SIGLEC6: variants seen among roughly 807,000 people sequenced by gnomAD.
SIGLEC6 encodes the protein sialic acid-binding Ig-like lectin 6.
Under a neutral mutation model 41.4 loss-of-function variants are expected in SIGLEC6, and 31 were observed. The ratio of observed to expected loss-of-function variants is 0.75; its 90% CI spans 0.56 to 1.01. The LOEUF (loss-of-function observed/expected upper bound fraction) is 1.01, where lower values mean the gene tolerates loss of function less well. SIGLEC6 is among the 50% of genes least tolerant of loss of function. SIGLEC6 has a pLI of 0.00. For synonymous variants in SIGLEC6, 217 were observed against 231.0 expected, an observed-to-expected ratio of 0.94 and a Z score of 0.55; for missense variants, 555 against 558.6, an observed-to-expected ratio of 0.99 and a Z score of 0.06.
intron 7 of SIGLEC6, among the ~76,000 whole-genome samples, chr19:51,524,231 A>G (rs1978813638): frequency 1.3e-5 from 2 of 152,256 alleles, no homozygotes; most frequent in Admixed American, 1.3e-4. Context: ...TAAATGTGAT[A>G]TCTGTAAGAC....
At chr19:51,530,549 C>G (rs1980097432) in intron 3 of SIGLEC6, 65 bp from the exon 4 acceptor site, 1 of 1,607,414 alleles carries the variant, frequency 6.2e-7, no homozygotes, top group South Asian at 1.1e-5. Context: ...GGGGCCTTCC[C>G]CTCAGGAGCC....
At position 51,528,195 on chromosome 19, in the gene SIGLEC6, T is replaced by C; in HGVS notation, c.1071A>G (p.Thr357=). 6.2e-7 allele frequency: 1 copy of C among 1,614,164 alleles called. No individual in the cohort carries two copies. The highest frequency in any genetic ancestry group is 8.5e-7 in the Non-Finnish European group (1 of 1,180,020). Residue 357 remains threonine (T), a synonymous_variant, in exon 6 of 8, where the codon ACA becomes ACG. Coordinates refer to ENST00000425629, the MANE Select transcript of SIGLEC6 (RefSeq NM_001245.7). Reference sequence around the variant, plus strand: ...AGCAAACACAGAGGAAAACCAGGGTTGTGATGCTAGCTCCCCAGACTGCTC... The same window carrying C: ...AGCAAACACAGAGGAAAACCAGGGTCGTGATGCTAGCTCCCCAGACTGCTC... ...VLGAVWGASI[T]TLVFLCVCFI...
intron 6 of SIGLEC6, 90 bp downstream of exon 6, chr19:51,528,069 AT>A (rs1568551659): frequency 3.3e-6 from 4 of 1,213,076 alleles, no homozygotes; most frequent in Admixed American, 1.8e-5. Flanking sequence ...CAATCACCCC[AT>A]TTTCCTCCAC....
chr19:51,519,296 GAAAAAAAAAAAAA>G lies in SIGLEC6; in HGVS notation c.*773_*785del, dbSNP rs10651662. On this transcript the variant is annotated 3_prime_UTR_variant, in exon 8 of 8. Coordinates refer to ENST00000425629, the MANE Select transcript of SIGLEC6 (RefSeq NM_001245.7). Reference sequence around the variant, plus strand: ...GGAGATACAGCAAGACTCCATCTCAGAAAAAAAAAAAAAAAAAAAAAGCTAGCCAAAGCCAGAT... The same window carrying G: ...GGAGATACAGCAAGACTCCATCTCAGAAAAAAAAGCTAGCCAAAGCCAGAT... 2.2e-5 allele frequency among the ~76,000 whole-genome samples: 2 copies of G among 90,752 alleles called. No individual in the cohort carries two copies. The highest frequency in any genetic ancestry group is 8.8e-5 in the African/African-American group (2 of 22,648). The allele number at this position is 90,752 out of a possible 152,430, so 59.5% of individuals were successfully genotyped here.
intron 6 of SIGLEC6, 44 bp from the exon 7 acceptor site, chr19:51,527,872 C>A: frequency 4.4e-6 from 7 of 1,583,746 alleles, no homozygotes; most frequent in Non-Finnish European, 6.1e-6. Flanking sequence ...TATTTGGAGC[C>A]TCTTTCCCCA....
chr19:51,526,895 A>G (rs908826530), intron 7 of SIGLEC6, among the ~76,000 whole-genome samples: 1 of 152,232 alleles, frequency 6.6e-6, no homozygotes, highest in African/African-American at 2.4e-5. Flanking sequence ...TAAAAATTTC[A>G]TAACACAATC....
At position 51,520,249 on chromosome 19, in the gene SIGLEC6, G is replaced by T; in HGVS notation, c.1195C>A (p.Gln399Lys). 6.3e-7 allele frequency: 1 copy of T among 1,581,914 alleles called. No homozygotes were observed. Among genetic ancestry groups the T allele is most frequent in the Non-Finnish European group, 8.6e-7 (1 of 1,156,710 alleles). The change falls in exon 8 of 8, where the codon CAG becomes AAG. Residue 399 changes from glutamine to lysine, a missense_variant. Transcript: ENST00000425629. Reference sequence around the variant, plus strand: ...ACTATGCCTGTCTGGAACTGGTGCTGATGACCCTTAATGGAAGAAAAGAAA... The same window carrying T: ...ACTATGCCTGTCTGGAACTGGTGCTTATGACCCTTAATGGAAGAAAAGAAA... ...PVMVSGSRGHQHQFQTGIVSD... is the reference protein window; with the variant it reads ...PVMVSGSRGHKHQFQTGIVSD...
At position 51,531,235 on chromosome 19, in the gene SIGLEC6, C is replaced by G. The variant is rs775895100; in HGVS notation, c.352G>C (p.Ala118Pro). 4 of 1,613,642 alleles carry G rather than the reference C, an allele frequency of 2.5e-6. No homozygotes were observed. Among genetic ancestry groups the G allele is most frequent in the Non-Finnish European group, 3.4e-6 (4 of 1,179,794 alleles). The change falls in exon 2 of 8, where the codon GCA becomes CCA. Residue 118 changes from alanine (A) to proline (P), a missense_variant. Coordinates refer to ENST00000425629, the MANE Select transcript of SIGLEC6 (RefSeq NM_001245.7). ...IRDARRRDNAAYFFRLKSKWM... is the reference protein window; with the variant it reads ...IRDARRRDNAPYFFRLKSKWM... ...TTGGACTTCAACCGAAAGAAGTATG[C>G]AGCATTGTCCCTCCTCCGGGCATCT...
rs779549871 is a variant in SIGLEC6, at chr19:51,530,467, C to G, written c.724G>C (p.Ala242Pro). ...CTGTTTCCTTGGAAGATGCTGATGG[C>G]CACTTTCTGTGGAGCATCTGGGGTG... ...LNVSYAPQKVAISIFQGNSAA... is the reference protein window; with the variant it reads ...LNVSYAPQKVPISIFQGNSAA... Residue 242 changes from alanine to proline, a missense_variant, in exon 4 of 8, where the codon GCC becomes CCC. Ala to Pro is a conservative substitution (Grantham distance 27). Transcript: ENST00000425629. The G allele has an allele frequency of 2.5e-6, 4 of 1,614,006 alleles. No homozygotes were observed. In the African/African-American group the frequency reaches 5.3e-5, roughly 22 times the overall value.
rs933258060 is a variant in SIGLEC6, at chr19:51,518,442, C to T, written c.*1640G>A. 6.6e-6 allele frequency among the ~76,000 whole-genome samples: 1 copy of T among 152,174 alleles called. No homozygotes were observed. Among genetic ancestry groups the T allele is most frequent in the African/African-American group, 2.4e-5 (1 of 41,436 alleles). On this transcript the variant is annotated 3_prime_UTR_variant, in exon 8 of 8. Transcript: ENST00000425629. ...TCAACCTCCACCTCCCAGGTTCAAG[C>T]AATTCTCCTGCTTCAACCTGCAGAA... is the stretch of plus-strand genomic sequence containing the variant.
chr19:51,525,227 T>A (rs547669288), intron 7 of SIGLEC6, among the ~76,000 whole-genome samples: 1 of 152,128 alleles, frequency 6.6e-6, no homozygotes, highest in South Asian at 2.1e-4. Context: ...GACCCCAGCA[T>A]AGCCACCTCA....
At chr19:51,529,000 T>TTAAAAAA (rs1979714337) in intron 5 of SIGLEC6, among the ~76,000 whole-genome samples, 1 of 16,814 alleles carries the variant, frequency 5.9e-5, no homozygotes, top group Admixed American at 8.3e-4. Flanking sequence ...AGACCCTCTC[T>TTAAAAAA]CAAAAAAAAA....
At position 51,531,411 on chromosome 19, in the gene SIGLEC6, G is replaced by T. The variant is rs1980363497; in HGVS notation, c.176C>A (p.Ala59Asp). ...CCAGTAGCCATAACCATAGTACGAG[G>T]CTGGAAGGGTAGTGGGCAATCTGCA... ...VPCRLPTTLPASYYGYGYWFL... is the reference protein window; with the variant it reads ...VPCRLPTTLPDSYYGYGYWFL... The change falls in exon 2 of 8, where the codon GCC becomes GAC. Residue 59 changes from alanine (A) to aspartate (D), a missense_variant. Physicochemically the swap from Ala to Asp is moderately radical, Grantham distance 126. Coordinates refer to ENST00000425629, the MANE Select transcript of SIGLEC6 (RefSeq NM_001245.7). 1.2e-6 allele frequency: 2 copies of T among 1,614,024 alleles called. No individual in the cohort carries two copies. Among genetic ancestry groups the T allele is most frequent in the African/African-American group, 2.7e-5 (2 of 74,912 alleles).
intron 4 of SIGLEC6, 80 bp downstream of exon 4, chr19:51,530,357 T>C: frequency 1.5e-6 from 2 of 1,317,672 alleles, no homozygotes; most frequent in Non-Finnish European, 2.2e-6. Context: ...GCCTTAGTCC[T>C]GGCTTCTCAT....
intron 2 of SIGLEC6, 100 bp downstream of exon 2, chr19:51,531,060 C>T (rs2122486720): frequency 6.4e-7 from 1 of 1,565,712 alleles, no homozygotes; most frequent in East Asian, 2.2e-5. Context: ...GCCCAACATG[C>T]TTAATTGTAC....
intron 7 of SIGLEC6, among the ~76,000 whole-genome samples, chr19:51,524,501 CAG>C (rs1459826504): frequency 2.6e-5 from 4 of 152,144 alleles, no homozygotes; most frequent in African/African-American, 7.2e-5. Flanking sequence ...AATAAGCAGA[CAG>C]AGAATCACTA....
chr19:51,526,867 G>C (rs1196726087), intron 7 of SIGLEC6, among the ~76,000 whole-genome samples: 1 of 152,164 alleles, frequency 6.6e-6, no homozygotes, highest in Non-Finnish European at 1.5e-5. Context: ...TGAGCTGATA[G>C]AGCTGAATAA....
Position 51,530,422 on chromosome 19 carries a change from C to T in SIGLEC6, c.754+15G>A. The T allele has an allele frequency of 6.2e-7, 1 of 1,612,912 alleles. No homozygotes were observed. The highest frequency in any genetic ancestry group is 8.5e-7 in the Non-Finnish European group (1 of 1,178,970). On this transcript the variant is annotated intron_variant, in intron 4 of 7. Transcript: ENST00000425629. The stretch of plus-strand genomic sequence containing the variant: ...CCATCTGGCCCTGGAGAGAACAGGA[C>T]TGGCTGGTTCCTACCTGCGCTGTTT...
At position 51,531,193 on chromosome 19, in the gene SIGLEC6, A is replaced by G. The variant is rs368939376; in HGVS notation, c.394T>C (p.Tyr132His). Residue 132 changes from tyrosine (Y) to histidine (H), a missense_variant, in exon 2 of 8, where the codon TAT becomes CAT. Coordinates refer to ENST00000425629, the MANE Select transcript of SIGLEC6 (RefSeq NM_001245.7). ...RLKSKWMKYG[Y>H]TSSKLSVRVM... ...CGCACAGAGAGCTTGGAAGATGTAT[A>G]ACCGTATTTCATCCATTTGGACTTC... 1.6e-5 allele frequency: 25 copies of G among 1,604,566 alleles called. No individual in the cohort carries two copies. The highest frequency in any genetic ancestry group is 1.3e-5 in the African/African-American group (1 of 74,786).
Sources: allele counts gnomAD v4.1 joint callset (sites outside exome capture counted in the v4.1 genomes callset), GRCh38; gene constraint gnomAD v4.1.1; transcripts MANE v1.5; gene names NCBI Gene and HGNC (gene_info 2026-07-23, HGNC 2026-07-21).